The following USP32 variants were observed in gnomAD, a reference collection of about 807,000 sequenced individuals.
USP32 encodes the protein ubiquitin specific peptidase 32.
Under a neutral mutation model 204.8 loss-of-function variants are expected in USP32, and 59 were observed. The observed-to-expected ratio is 0.29, with a 90% CI of 0.23 to 0.36. The LOEUF is 0.36. Among genes scored for constraint, USP32 ranks in the 10% least tolerant of loss-of-function variants. The pLI is 1.00. For missense variants in USP32, 1,160 were observed against 1,946.4 expected, an observed-to-expected ratio of 0.60 and a Z score of 7.60; for synonymous variants, 517 against 678.4, an observed-to-expected ratio of 0.76 and a Z score of 3.70.
At chr17:60,245,327 C>T (rs757924965) in intron 11 of USP32, 3 of 358,094 alleles carry the variant, frequency 8.4e-6, no homozygotes, top group Non-Finnish European at 1.6e-5. Flanking sequence ...GGATTGGTGA[C>T]TCTGATGGCC....
At chr17:60,404,085 T>G (rs998515562) in intron 1 of USP32, among the ~76,000 whole-genome samples, 3 of 151,010 alleles carry the variant, frequency 2.0e-5, no homozygotes, top group Non-Finnish European at 3.0e-5. Context: ...AAAAGAAATA[T>G]GCGCACACAC....
intron 2 of USP32, among the ~76,000 whole-genome samples, chr17:60,333,785 G>A (rs1438205599): frequency 6.6e-6 from 1 of 152,142 alleles, no homozygotes; most frequent in Non-Finnish European, 1.5e-5. Flanking sequence ...TTTCAGTACT[G>A]TACTGTTTTT....
chr17:60,385,922 T>G (rs899274427), intron 1 of USP32, among the ~76,000 whole-genome samples: 8 of 150,592 alleles, frequency 5.3e-5, no homozygotes, highest in African/African-American at 1.7e-4. Flanking sequence ...TAAAGAGGGG[T>G]GTTAAGGAAA....
chr17:60,238,601 G>A (rs1423563832), intron 11 of USP32, among the ~76,000 whole-genome samples: 3 of 152,004 alleles, frequency 2.0e-5, no homozygotes, highest in African/African-American at 4.8e-5. Context: ...TCAGGAGTTC[G>A]AGACCTGCCT....
intron 12 of USP32, among the ~76,000 whole-genome samples, chr17:60,227,401 C>G: frequency 6.6e-6 from 1 of 151,326 alleles, no homozygotes; most frequent in East Asian, 1.9e-4. Flanking sequence ...TCCCGAGTAA[C>G]TGGAATTACA....
chr17:60,333,882 C>T (rs1170176894), intron 2 of USP32, among the ~76,000 whole-genome samples: 2 of 152,304 alleles, frequency 1.3e-5, no homozygotes, highest in South Asian at 2.1e-4. Flanking sequence ...ATCTACTTTA[C>T]GTATCAAACA....
At chr17:60,354,815 GC>G (rs1274916790) in intron 1 of USP32, among the ~76,000 whole-genome samples, 1 of 152,234 alleles carries the variant, frequency 6.6e-6, no homozygotes, top group East Asian at 1.9e-4. Context: ...GGAGGCTGAG[GC>G]AGGCAGATCG....
At chr17:60,237,641 G>C (rs1212732989) in intron 11 of USP32, among the ~76,000 whole-genome samples, 1 of 152,056 alleles carries the variant, frequency 6.6e-6, no homozygotes, top group Non-Finnish European at 1.5e-5. Context: ...TGGACCTATT[G>C]ACTTGCCTGT....
At chr17:60,307,999 G>A (rs2087766991) in intron 2 of USP32, among the ~76,000 whole-genome samples, 1 of 152,186 alleles carries the variant, frequency 6.6e-6, no homozygotes, top group South Asian at 2.1e-4. Flanking sequence ...GAGTTAGGGT[G>A]GGGCAGTCAG....
chr17:60,392,593 G>A (rs1429670878), upstream of USP32: 2 of 447,520 alleles, frequency 4.5e-6, no homozygotes, highest in South Asian at 1.6e-5. Flanking sequence ...AGAATCTTAG[G>A]GAATGGGGTT....
At chr17:60,343,483 C>T (rs1272940206) in intron 2 of USP32, among the ~76,000 whole-genome samples, 1 of 152,170 alleles carries the variant, frequency 6.6e-6, no homozygotes, top group East Asian at 1.9e-4. Context: ...AATTAGAACT[C>T]AGGATTAAGA....
chr17:60,317,675 G>A lies in USP32; in HGVS notation c.187-15971C>T, dbSNP rs373112638. Among the ~76,000 whole-genome samples, 201 of 152,084 alleles carry A rather than the reference G, an allele frequency of 1.3e-3. 1 individual carries two copies. The highest frequency in any genetic ancestry group is 4.5e-3 in the African/African-American group (188 of 41,468). The stretch of plus-strand genomic sequence containing the variant: ...TACAAAATATTCAAGAATTAGCTAG[G>A]TGTAGTGCCATGCACCCATAGTTCC... On this transcript the variant is annotated intron_variant, in intron 2 of 33. Coordinates refer to ENST00000300896, the MANE Select transcript of USP32 (RefSeq NM_032582.4).
intron 1 of USP32, among the ~76,000 whole-genome samples, chr17:60,358,997 C>G (rs1567873153): frequency 6.6e-6 from 1 of 152,208 alleles, no homozygotes; most frequent in African/African-American, 2.4e-5. Context: ...GAGGTTCCAG[C>G]TGCTGCAAAC....
At chr17:60,385,142 C>T (rs767045969) in intron 1 of USP32, among the ~76,000 whole-genome samples, 1 of 152,190 alleles carries the variant, frequency 6.6e-6, no homozygotes, top group Non-Finnish European at 1.5e-5. Context: ...CTTAACTGAG[C>T]GATTAACTTT....
intron 29 of USP32, among the ~76,000 whole-genome samples, chr17:60,187,185 C>T (rs2084272183): frequency 6.6e-6 from 1 of 152,180 alleles, no homozygotes; most frequent in African/African-American, 2.4e-5. Context: ...TCAGGTGAGA[C>T]TTCTTCCCTA....
chr17:60,371,115 A>G (rs1834723064), intron 1 of USP32, among the ~76,000 whole-genome samples: 1 of 151,756 alleles, frequency 6.6e-6, no homozygotes, highest in Non-Finnish European at 1.5e-5. Context: ...TTAGCTGGGT[A>G]TGGTGGTGTG....
intron 2 of USP32, among the ~76,000 whole-genome samples, chr17:60,315,500 G>C (rs1479440807): frequency 1.3e-5 from 2 of 152,142 alleles, no homozygotes; most frequent in African/African-American, 2.4e-5. Flanking sequence ...AATGTAAAAG[G>C]GTACAGCTGT....
At chr17:60,228,317 A>G (rs1423545240) in intron 12 of USP32, among the ~76,000 whole-genome samples, 3 of 152,132 alleles carry the variant, frequency 2.0e-5, no homozygotes, top group African/African-American at 4.8e-5. Flanking sequence ...TGCCTGGCCT[A>G]GAAACCAAAA....
chr17:60,327,876 G>A (rs924631189), intron 2 of USP32, among the ~76,000 whole-genome samples: 1 of 152,238 alleles, frequency 6.6e-6, no homozygotes, highest in Non-Finnish European at 1.5e-5. Flanking sequence ...ACTCAGGGCG[G>A]TGCTGACGTG....
Sources: gnomAD v4.1 joint callset for allele counts (sites outside exome capture counted in the v4.1 genomes callset) on GRCh38, gnomAD v4.1.1 for gene constraint, MANE v1.5 for transcripts, NCBI Gene and HGNC (gene_info 2026-07-23, HGNC 2026-07-21) for gene names.